ADAM23: variants seen among roughly 807,000 people sequenced by gnomAD.
ADAM23 encodes disintegrin and metalloproteinase domain-containing protein 23.
Under a neutral mutation model 120.1 loss-of-function variants are expected in ADAM23, and 33 were observed. The observed-to-expected ratio is 0.27, with a 90% CI of 0.21 to 0.37. ADAM23 has a LOEUF of 0.37. Among genes scored for constraint, ADAM23 ranks in the 10% least tolerant of loss-of-function variants. The probability of loss-of-function intolerance (pLI) is 1.00; values close to 1 mark genes in which losing one functional copy is unlikely to be tolerated. For missense variants in ADAM23, 862 were observed against 1,058.2 expected (o/e 0.81, Z 2.57); for synonymous variants, 367 against 375.2 (o/e 0.98, Z 0.25).
At chr2:206,535,647 C>G (rs983658616) in intron 4 of ADAM23, among the ~76,000 whole-genome samples, 2 of 152,188 alleles carry the variant, frequency 1.3e-5, no homozygotes, top group African/African-American at 4.8e-5. Flanking sequence ...AGCACTGATA[C>G]ATACTACACC....
intron 13 of ADAM23, among the ~76,000 whole-genome samples, chr2:206,564,166 A>G (rs1022678287): frequency 6.6e-6 from 1 of 152,126 alleles, no homozygotes; most frequent in East Asian, 1.9e-4. Context: ...ATATAGATAG[A>G]TGTATACCTC....
chr2:206,484,070 G>A (rs1004787468), intron 3 of ADAM23, among the ~76,000 whole-genome samples: 1 of 152,162 alleles, frequency 6.6e-6, no homozygotes, highest in African/African-American at 2.4e-5. Flanking sequence ...TATCTATAGG[G>A]CAAGAGCTGG....
At chr2:206,617,302 G>A (rs987484275) in intron 25 of ADAM23, among the ~76,000 whole-genome samples, 6 of 152,180 alleles carry the variant, frequency 3.9e-5, no homozygotes, top group African/African-American at 7.2e-5. Flanking sequence ...AAATTGGGCC[G>A]CAGAGTCTTC....
At chr2:206,478,246 C>G (rs1265564154) in intron 2 of ADAM23, among the ~76,000 whole-genome samples, 1 of 151,872 alleles carries the variant, frequency 6.6e-6, no homozygotes, top group Non-Finnish European at 1.5e-5. Context: ...ATTTAAATGA[C>G]TTAAAATGGA....
At chr2:206,460,917 T>C (rs1052381245) in intron 2 of ADAM23, among the ~76,000 whole-genome samples, 1 of 152,222 alleles carries the variant, frequency 6.6e-6, no homozygotes, top group African/African-American at 2.4e-5. Context: ...TTTTAAATGG[T>C]GTAGGTTAGG....
At chr2:206,450,098 CAGAA>C (rs1695161759) in intron 2 of ADAM23, among the ~76,000 whole-genome samples, 1 of 152,096 alleles carries the variant, frequency 6.6e-6, no homozygotes, top group Admixed American at 6.5e-5. Flanking sequence ...TATGGGACAA[CAGAA>C]AGAGGAACAT....
At chr2:206,499,056 A>G (rs1483683644) in intron 3 of ADAM23, among the ~76,000 whole-genome samples, 1 of 152,088 alleles carries the variant, frequency 6.6e-6, no homozygotes, top group Non-Finnish European at 1.5e-5. Flanking sequence ...TGGGACTGTA[A>G]ACTAGTTCAA....
intron 23 of ADAM23, among the ~76,000 whole-genome samples, chr2:206,595,305 T>C (rs1409919399): frequency 2.0e-5 from 3 of 152,210 alleles, no homozygotes; most frequent in African/African-American, 7.2e-5. Flanking sequence ...CTCAGGGAGA[T>C]AAGGGTTTAA....
chr2:206,460,629 T>C (rs1370619000), intron 2 of ADAM23, among the ~76,000 whole-genome samples: 1 of 152,244 alleles, frequency 6.6e-6, no homozygotes, highest in East Asian at 1.9e-4. Context: ...TTATGTACTC[T>C]GGATATCAAT....
At chr2:206,578,184 TTTTA>T (rs1698155030) in intron 18 of ADAM23, among the ~76,000 whole-genome samples, 1 of 146,280 alleles carries the variant, frequency 6.8e-6, no homozygotes. Context: ...TTTATTTATT[TTTTA>T]ACATTACAAA....
At chr2:206,606,017 G>T in intron 24 of ADAM23, 1 of 554,590 alleles carries the variant, frequency 1.8e-6, no homozygotes, top group Non-Finnish European at 3.2e-6. Flanking sequence ...CTTGGATGTT[G>T]CTTGTGTCCT....
In ADAM23 at chr2:206,616,730, C is replaced by T. The variant is rs147543135; in HGVS notation, c.2451-849C>T. On this transcript the variant is annotated intron_variant, in intron 25 of 25. Transcript: ENST00000264377. Reference sequence around the variant, plus strand: ...TTGCATGATGCCTCGGTGGCAGTAGCGTTGCACCCGCCCAGTATGCAGACT... The same window carrying T: ...TTGCATGATGCCTCGGTGGCAGTAGTGTTGCACCCGCCCAGTATGCAGACT... Among the ~76,000 whole-genome samples the T allele has an allele frequency of 2.2e-3, 336 of 152,100 alleles. 2 individuals carry two copies. The highest frequency in any genetic ancestry group is 7.7e-3 in the African/African-American group (319 of 41,482).
intron 1 of ADAM23, 119 bp downstream of exon 1, chr2:206,444,199 C>T (rs1209107766): frequency 1.1e-5 from 8 of 748,310 alleles, no homozygotes; most frequent in Non-Finnish European, 1.3e-5. Context: ...TCCTTCCCTC[C>T]CTGCCTGTCT....
At chr2:206,445,217 C>A in intron 1 of ADAM23, 90 bp from the exon 2 acceptor site, 2 of 903,346 alleles carry the variant, frequency 2.2e-6, no homozygotes, top group Non-Finnish European at 3.4e-6. Context: ...AGGAAAAATG[C>A]ATTTTAGTGC....
At chr2:206,498,003 A>T (rs567234868) in intron 3 of ADAM23, among the ~76,000 whole-genome samples, 1 of 152,318 alleles carries the variant, frequency 6.6e-6, no homozygotes, top group East Asian at 1.9e-4. Context: ...ATAAAAGGGG[A>T]TACAAACAAA....
intron 2 of ADAM23, among the ~76,000 whole-genome samples, chr2:206,463,809 A>G (rs1017029252): frequency 6.6e-6 from 1 of 152,240 alleles, no homozygotes; most frequent in Admixed American, 6.5e-5. Flanking sequence ...GGTTTCACCC[A>G]TGGAGAGACT....
intron 2 of ADAM23, among the ~76,000 whole-genome samples, chr2:206,451,976 G>A (rs2105850801): frequency 6.6e-6 from 1 of 152,312 alleles, no homozygotes; most frequent in East Asian, 1.9e-4. Context: ...GAAGATTTTA[G>A]GTATTGACAC....
At chr2:206,559,331 C>A (rs1697711803) in intron 10 of ADAM23, among the ~76,000 whole-genome samples, 1 of 152,038 alleles carries the variant, frequency 6.6e-6, no homozygotes, top group East Asian at 1.9e-4. Context: ...AGCTACTGGG[C>A]CAAAAATAGA....
chr2:206,526,141 T>TACACACACACAC (rs59684611), intron 3 of ADAM23, among the ~76,000 whole-genome samples: 20 of 145,678 alleles, frequency 1.4e-4, no homozygotes, highest in Non-Finnish European at 2.3e-4. Context: ...TTCCAACAAA[T>TACACACACACAC]ACACACACAC....
Sources: gnomAD v4.1 joint callset for allele counts (sites outside exome capture counted in the v4.1 genomes callset) on GRCh38, gnomAD v4.1.1 for gene constraint, MANE v1.5 for transcripts, NCBI Gene and HGNC (gene_info 2026-07-23, HGNC 2026-07-21) for gene names.